NKAIN2: variants seen among roughly 807,000 people sequenced by gnomAD.
NKAIN2 encodes sodium/potassium transporting ATPase interacting 2.
NKAIN2 carries 14 observed loss-of-function variants against 32.6 expected under a neutral mutation model. The observed-to-expected ratio is 0.43, with a 90% CI of 0.28 to 0.67. NKAIN2 has a LOEUF of 0.67. Among genes scored for constraint, NKAIN2 ranks in the 30% least tolerant of loss-of-function variants. NKAIN2 has a pLI of 0.17. For synonymous variants in NKAIN2, 80 were observed against 87.2 expected (o/e 0.92, Z 0.46); for missense variants, 198 against 258.3 (o/e 0.77, Z 1.60).
At chr6:124,565,917 A>G (rs1005008120) in intron 3 of NKAIN2, among the ~76,000 whole-genome samples, 1 of 152,178 alleles carries the variant, frequency 6.6e-6, no homozygotes. Flanking sequence ...CACATTCCTC[A>G]TGATAAATAA....
chr6:124,614,317 C>A (rs762620656), intron 3 of NKAIN2, among the ~76,000 whole-genome samples: 1 of 152,128 alleles, frequency 6.6e-6, no homozygotes. Context: ...TTGCTTGAAC[C>A]TGGGAGATGG....
intron 3 of NKAIN2, among the ~76,000 whole-genome samples, chr6:124,364,556 G>T (rs1261559480): frequency 6.6e-6 from 1 of 151,990 alleles, no homozygotes; most frequent in Non-Finnish European, 1.5e-5. Flanking sequence ...AAGACTGACA[G>T]TTGACCTTTC....
At position 124,110,495 on chromosome 6, in the gene NKAIN2, C is replaced by A. The variant is rs570476988; in HGVS notation, c.55-172510C>A. Among the ~76,000 whole-genome samples, 30 of 152,064 alleles carry A rather than the reference C, an allele frequency of 2.0e-4. 1 individual carries two copies. Among genetic ancestry groups the A allele is most frequent in the Admixed American group, 1.6e-3 (24 of 15,254 alleles). The stretch of plus-strand genomic sequence containing the variant: ...ATGCTGAGGTTTGAGGTACAGATGA[C>A]CCTGTGTGATGAGCATAATAACCAG... On this transcript the variant is annotated intron_variant, in intron 1 of 6. Coordinates refer to ENST00000368417, the MANE Select transcript of NKAIN2 (RefSeq NM_001040214.3).
chr6:123,918,905 AT>A (rs2114484053), intron 1 of NKAIN2, among the ~76,000 whole-genome samples: 1 of 152,262 alleles, frequency 6.6e-6, no homozygotes, highest in Non-Finnish European at 1.5e-5. Context: ...AAGTAAATAC[AT>A]TTGCATTCTA....
chr6:124,195,244 C>T (rs1219309815), intron 1 of NKAIN2, among the ~76,000 whole-genome samples: 1 of 151,868 alleles, frequency 6.6e-6, no homozygotes, highest in Non-Finnish European at 1.5e-5. Context: ...ATCAGTTCTA[C>T]ATTAGTTGTG....
chr6:124,300,577 C>CAGA (rs1230461848), intron 2 of NKAIN2, among the ~76,000 whole-genome samples: 1 of 152,142 alleles, frequency 6.6e-6, no homozygotes, highest in African/African-American at 2.4e-5. Flanking sequence ...TCAGAAGTCT[C>CAGA]AGAAGAAGAT....
At chr6:124,689,023 G>C (rs1287520158) in intron 4 of NKAIN2, among the ~76,000 whole-genome samples, 1 of 152,134 alleles carries the variant, frequency 6.6e-6, no homozygotes, top group Non-Finnish European at 1.5e-5. Context: ...CATTTGGTAA[G>C]AGTGTATTTA....
At chr6:124,505,937 G>C (rs191992467) in intron 3 of NKAIN2, among the ~76,000 whole-genome samples, 2 of 152,128 alleles carry the variant, frequency 1.3e-5, no homozygotes, top group Admixed American at 1.3e-4. Flanking sequence ...ACTTTGGGAG[G>C]CCGAGGCAGG....
rs866493339 is a variant in NKAIN2 at position 124,324,015 on chromosome 6, T to A, written c.193-31252T>A. The stretch of plus-strand genomic sequence containing the variant: ...ACCGTGTTAGCCAGGATGGTCTCGA[T>A]CTCCTGACCTCGTGATCCACCCGCC... On this transcript the variant is annotated intron_variant, in intron 2 of 6. Transcript: ENST00000368417. Among the ~76,000 whole-genome samples the A allele has an allele frequency of 1.1e-4, 16 of 152,104 alleles. 1 individual carries two copies. The South Asian group carries it at 2.1e-3, about 20-fold the overall frequency.
chr6:124,796,837 C>G (rs1209877629), intron 5 of NKAIN2, among the ~76,000 whole-genome samples: 1 of 152,176 alleles, frequency 6.6e-6, no homozygotes, highest in African/African-American at 2.4e-5. Context: ...TCTCGCTGTG[C>G]TGTCTTTGTG....
At chr6:124,734,056 G>A (rs1382582717) in intron 4 of NKAIN2, among the ~76,000 whole-genome samples, 8 of 60,504 alleles carry the variant, frequency 1.3e-4, no homozygotes, top group Middle Eastern at 0.01. Flanking sequence ...AGAAAATGAG[G>A]AAATGCACAC....
chr6:124,252,035 A>G (rs993936351), intron 1 of NKAIN2, among the ~76,000 whole-genome samples: 1 of 152,074 alleles, frequency 6.6e-6, no homozygotes, highest in Admixed American at 6.6e-5. Flanking sequence ...ATGAATATGT[A>G]TAATTATTAT....
intron 1 of NKAIN2, among the ~76,000 whole-genome samples, chr6:123,980,865 T>A (rs1182266117): frequency 6.6e-6 from 1 of 151,800 alleles, no homozygotes; most frequent in Non-Finnish European, 1.5e-5. Context: ...TATGCTTTTT[T>A]TCACTTATCC....
Position 124,701,446 on chromosome 6 carries a change from T to C in NKAIN2, c.474+43060T>C, listed in dbSNP as rs537607954. Among the ~76,000 whole-genome samples the C allele has an allele frequency of 2.0e-5, 3 of 152,208 alleles. No individual in the cohort carries two copies. In the South Asian group the frequency reaches 6.2e-4, roughly 32 times the overall value. On this transcript the variant is annotated intron_variant, in intron 4 of 6. Coordinates refer to ENST00000368417, the MANE Select transcript of NKAIN2 (RefSeq NM_001040214.3). ...GAGTATTAAGTATGTATTTTTGCGATTTGTTCTCTGTCAACTAAAAAGTTG... is the reference window on the plus strand; with the variant it reads ...GAGTATTAAGTATGTATTTTTGCGACTTGTTCTCTGTCAACTAAAAAGTTG...
intron 1 of NKAIN2, among the ~76,000 whole-genome samples, chr6:123,923,830 T>C (rs1048420482): frequency 6.8e-6 from 1 of 146,808 alleles, no homozygotes; most frequent in Non-Finnish European, 1.5e-5. Flanking sequence ...TTGGGAGATA[T>C]ACCTAATGCT....
chr6:123,820,507 G>T (rs1773878388), intron 1 of NKAIN2, among the ~76,000 whole-genome samples: 1 of 152,100 alleles, frequency 6.6e-6, no homozygotes, highest in African/African-American at 2.4e-5. Flanking sequence ...CATTAATGTG[G>T]CAGCAACAGA....
chr6:124,192,371 T>C (rs1029131521), intron 1 of NKAIN2, among the ~76,000 whole-genome samples: 3 of 152,218 alleles, frequency 2.0e-5, no homozygotes, highest in African/African-American at 7.2e-5. Context: ...TTTAGTGGCA[T>C]GTTATTTACA....
At chr6:124,721,073 A>T (rs1335841173) in intron 4 of NKAIN2, among the ~76,000 whole-genome samples, 1 of 152,214 alleles carries the variant, frequency 6.6e-6, no homozygotes, top group Non-Finnish European at 1.5e-5. Flanking sequence ...GAGCTAGCAT[A>T]ATTCCAGCCA....
chr6:124,239,906 GAA>G (rs1415346870), intron 1 of NKAIN2, among the ~76,000 whole-genome samples: 1 of 152,050 alleles, frequency 6.6e-6, no homozygotes, highest in Non-Finnish European at 1.5e-5. Flanking sequence ...GAGCAGAACT[GAA>G]AGAGATATAG....
Sources: gnomAD v4.1 joint callset for allele counts (sites outside exome capture counted in the v4.1 genomes callset) on GRCh38, gnomAD v4.1.1 for gene constraint, MANE v1.5 for transcripts, NCBI Gene and HGNC (gene_info 2026-07-23, HGNC 2026-07-21) for gene names.